Variants in HERC2 observed in about 807,000 individuals in gnomAD.
The protein encoded by HERC2 is HECT and RLD domain containing E3 ubiquitin protein ligase 2.
In HERC2, 102 loss-of-function variants were observed where a neutral mutation model predicts 537.7. The ratio of observed to expected loss-of-function variants is 0.19; its 90% CI spans 0.16 to 0.22. The LOEUF is 0.22. HERC2 is among the 10% of genes least tolerant of loss of function. The pLI is 1.00. For synonymous variants in HERC2, 2,224 were observed against 2,466.2 expected, an observed-to-expected ratio of 0.90 and a Z score of 2.91; for missense variants, 4,236 against 6,198.2, an observed-to-expected ratio of 0.68 and a Z score of 10.63.
At position 28,280,069 on chromosome 15, in the gene HERC2, T is replaced by C; in HGVS notation, c.541A>G (p.Ser181Gly). ...GISLPPVDKKSSRPAGKGVEG... is the reference protein window; with the variant it reads ...GISLPPVDKKGSRPAGKGVEG... ...ATTCTTTCTTCGCTTTATTGTTACC[T>C]TTTTTTGTCCACAGGAGGCAGAGAA... Residue 181 changes from serine (S) to glycine (G), a missense_variant and splice_region_variant, in exon 5 of 93, where the codon AGT (serine) becomes GGT (glycine). This residue lies in a region of HERC2 where 491 missense variants were observed against 559.3 expected (regional missense o/e 0.88). Transcript: ENST00000261609. 1 of 1,602,570 alleles carries C rather than the reference T, an allele frequency of 6.2e-7. No individual in the cohort carries two copies. Among genetic ancestry groups the C allele is most frequent in the South Asian group, 1.1e-5 (1 of 89,792 alleles).
intron 21 of HERC2, 32 bp downstream of exon 21, chr15:28,248,520 T>C (rs1204075975): frequency 1.9e-6 from 3 of 1,565,146 alleles, no homozygotes; most frequent in Admixed American, 1.7e-5. Flanking sequence ...CCCGATCACA[T>C]ACAAGACACT....
Position 28,168,448 on chromosome 15 carries a change from C to G in HERC2, c.10372G>C (p.Glu3458Gln), listed in dbSNP as rs370685397. The change falls in exon 67 of 93, where the codon GAA (glutamate) becomes CAA (glutamine). Residue 3458 changes from glutamate (E) to glutamine (Q), a missense_variant. Physicochemically the swap from Glu to Gln is conservative, Grantham distance 29. Coordinates refer to ENST00000261609, the MANE Select transcript of HERC2 (RefSeq NM_004667.6). ...CATGGATTTGGACTCAGTCTGTCTT[C>G]GATATCAACAGCCAGCATGCATTCT... The part of the protein sequence containing the change: ...GEECMLAVDI[E>Q]DRLSPNPWQE... The G allele has an allele frequency of 6.2e-7, 1 of 1,614,082 alleles. No homozygotes were observed. Among genetic ancestry groups the G allele is most frequent in the Non-Finnish European group, 8.5e-7 (1 of 1,180,030 alleles).
At chr15:28,221,885 C>T (rs1040275393) in intron 36 of HERC2, 143 bp downstream of exon 36, 23 of 782,672 alleles carry the variant, frequency 2.9e-5, no homozygotes, top group Middle Eastern at 3.5e-4. Flanking sequence ...TCACTCCCTT[C>T]GGCTGCTCGG....
At chr15:28,234,992 G>A (rs1305561900) in intron 26 of HERC2, among the ~76,000 whole-genome samples, 3 of 152,072 alleles carry the variant, frequency 2.0e-5, no homozygotes, top group East Asian at 1.9e-4. Context: ...AGACCTGTGC[G>A]TGGTGCAAGG....
intron 83 of HERC2, among the ~76,000 whole-genome samples, chr15:28,129,264 T>A (rs1024102599): frequency 2.6e-5 from 4 of 152,218 alleles, no homozygotes; most frequent in Non-Finnish European, 4.4e-5. Flanking sequence ...GATGGGGACC[T>A]GTGGCAAAGC....
rs554004866 is a variant in HERC2, at chr15:28,113,863, C to A, written c.13914-185G>T. On this transcript the variant is annotated intron_variant, in intron 90 of 92. Coordinates refer to ENST00000261609, the MANE Select transcript of HERC2 (RefSeq NM_004667.6). This position sits in a 1 kb window ranked among gnomAD's most constrained non-coding sequence, Gnocchi z 7.0. ...CTGCAGAGCTTCTCCTGACACTGGG[C>A]TCATCTCGTCCAGCCGACAGGGTAC... 1 of 626,620 alleles carries A rather than the reference C, an allele frequency of 1.6e-6. No homozygotes were observed. The highest frequency in any genetic ancestry group is 1.8e-5 in the South Asian group (1 of 54,402). The allele number at this position is 626,620 out of a possible 1,614,324, so 38.8% of individuals were successfully genotyped here.
intron 12 of HERC2, among the ~76,000 whole-genome samples, 198 bp from the exon 13 acceptor site, chr15:28,266,172 G>A (rs1013114135): frequency 1.3e-5 from 2 of 152,088 alleles, no homozygotes; most frequent in Admixed American, 6.6e-5. Context: ...GTTGGAACCC[G>A]ATGCCAAACA....
chr15:28,253,458 T>G (rs1253007295), intron 20 of HERC2, among the ~76,000 whole-genome samples: 1 of 152,266 alleles, frequency 6.6e-6, no homozygotes, highest in East Asian at 1.9e-4. Context: ...ACATGTTTAC[T>G]GCACACCGCA....
rs771262446 is a variant in HERC2, at chr15:28,196,557, T to C, written c.8024A>G (p.Asn2675Ser). ...AAAGTCGACAATGATATCTTTTCCA[T>C]TGGCACTGAAAGCTAGGACAGAACA... is the stretch of plus-strand genomic sequence containing the variant. ...SVGVVKAFSA[N>S]GKDIIVDFPQ... is the part of the protein sequence containing the mutation. Residue 2675 changes from asparagine to serine, a missense_variant, in exon 51 of 93, where the codon AAT becomes AGT. By Grantham distance (46) the Asn-to-Ser change is conservative (BLOSUM62 1). Coordinates refer to ENST00000261609, the MANE Select transcript of HERC2 (RefSeq NM_004667.6). 6.8e-6 allele frequency: 11 copies of C among 1,609,112 alleles called. No individual in the cohort carries two copies. Among genetic ancestry groups the C allele is most frequent in the African/African-American group, 6.7e-5 (5 of 74,842 alleles).
At chr15:28,207,025 A>AAGG (rs1898554975) in intron 44 of HERC2, among the ~76,000 whole-genome samples, 1 of 151,768 alleles carries the variant, frequency 6.6e-6, no homozygotes, top group Non-Finnish European at 1.5e-5. Flanking sequence ...AAAAAAAAAA[A>AAGG]AACTAGACTC....
intron 69 of HERC2, among the ~76,000 whole-genome samples, chr15:28,154,087 A>C (rs1892738303): frequency 6.6e-6 from 1 of 152,248 alleles, no homozygotes; most frequent in Non-Finnish European, 1.5e-5. Context: ...ATTAAGGTTA[A>C]GAGTGGTGAT....
Position 28,213,944 on chromosome 15 carries a change from G to C in HERC2, c.6584C>G (p.Ser2195Cys). ...GAGGCCCCCCACTTCAGGGTTCTCG[G>C]AGTCGGGGAAGTAGTCCTCTAACTG... ...GAQLEDYFPD[S>C]ENPEVGGLMA... The change falls in exon 42 of 93, where the codon TCC (serine) becomes TGC (cysteine). Residue 2195 changes from serine (S) to cysteine (C), a missense_variant. Ser to Cys is a moderately radical substitution (Grantham distance 112). Transcript: ENST00000261609. The C allele has an allele frequency of 6.2e-7, 1 of 1,614,090 alleles. No individual in the cohort carries two copies. Among genetic ancestry groups the C allele is most frequent in the Non-Finnish European group, 8.5e-7 (1 of 1,179,978 alleles).
At chr15:28,182,363 G>A in intron 57 of HERC2, 38 bp downstream of exon 57, 3 of 1,341,866 alleles carry the variant, frequency 2.2e-6, no homozygotes, top group Non-Finnish European at 3.2e-6. Context: ...CTGCTGCCGA[G>A]TGCCCCACCC....
At chr15:28,284,752 T>C (rs1205627836) in intron 4 of HERC2, among the ~76,000 whole-genome samples, 6 of 151,194 alleles carry the variant, frequency 4.0e-5, no homozygotes, top group African/African-American at 9.7e-5. Context: ...CCATCTCTAC[T>C]AAAAATACAA....
chr15:28,229,575 G>A lies in HERC2; in HGVS notation c.5005C>T (p.Leu1669=), dbSNP rs777768105. Residue 1669 remains leucine (L), a synonymous_variant, in exon 33 of 93, where the codon CTG becomes TTG. Transcript: ENST00000261609. Reference sequence around the variant, plus strand: ...TTTAAAATTGTATCTATCCCTTCCAGGCGAACCTCTGCTCTCTCCAACTGC... The same window carrying A: ...TTTAAAATTGTATCTATCCCTTCCAAGCGAACCTCTGCTCTCTCCAACTGC... ...LKQLERAEVR[L]EGIDTILKLA... is the part of the protein sequence containing the mutation. The A allele has an allele frequency of 1.2e-6, 2 of 1,612,662 alleles. No homozygotes were observed. Among genetic ancestry groups the A allele is most frequent in the East Asian group, 2.2e-5 (1 of 44,888 alleles).
intron 70 of HERC2, among the ~76,000 whole-genome samples, chr15:28,151,484 A>G (rs1596064885): frequency 6.6e-6 from 1 of 152,170 alleles, no homozygotes; most frequent in Non-Finnish European, 1.5e-5. Context: ...AAATAAATAC[A>G]TAAATAAAAT....
At chr15:28,117,256 G>A (rs1332910148) in intron 86 of HERC2, 102 bp from the exon 87 acceptor site, 1 of 1,152,438 alleles carries the variant, frequency 8.7e-7, no homozygotes, top group Admixed American at 1.8e-5. Flanking sequence ...GAGGCACCGT[G>A]CATGGGCCCC....
At chr15:28,133,081 C>T (rs1890270893) in intron 79 of HERC2, among the ~76,000 whole-genome samples, 1 of 151,224 alleles carries the variant, frequency 6.6e-6, no homozygotes, top group Non-Finnish European at 1.5e-5. Context: ...AAGTTCGAAG[C>T]ACAGACCATT....
chr15:28,164,824 A>G (rs562257765), intron 68 of HERC2, among the ~76,000 whole-genome samples: 1 of 152,224 alleles, frequency 6.6e-6, no homozygotes, highest in Admixed American at 6.5e-5. Context: ...CTTCCTCAGA[A>G]TAAGTTCTGC....
Sources: allele counts gnomAD v4.1 joint callset (sites outside exome capture counted in the v4.1 genomes callset), GRCh38; gene constraint gnomAD v4.1.1; regional missense constraint gnomAD v4.1.1; non-coding constraint Gnocchi (gnomAD v3.1); transcripts MANE v1.5; gene names NCBI Gene and HGNC (gene_info 2026-07-23, HGNC 2026-07-21).